MAF: variants seen among roughly 807,000 people sequenced by gnomAD.
MAF encodes the protein transcription factor Maf.
A neutral mutation model predicts 22.0 loss-of-function variants in MAF; 10 were observed. The ratio of observed to expected loss-of-function variants is 0.45; its 90% CI spans 0.28 to 0.77. The LOEUF (loss-of-function observed/expected upper bound fraction) is 0.77. Ranked by LOEUF, MAF falls within the 30% of genes least tolerant of loss-of-function variation. The pLI is 0.12. For missense variants in MAF, 544 were observed against 548.4 expected, an observed-to-expected ratio of 0.99 and a Z score of 0.08; for synonymous variants, 337 against 255.8, an observed-to-expected ratio of 1.32 and a Z score of -3.03.
At chr16:79,391,079 G>A in the MAF span, among the ~76,000 whole-genome samples, 7 of 152,134 alleles carry the variant, frequency 4.6e-5, no homozygotes, top group Admixed American at 1.3e-4. Context: ...GGGCTAACGA[G>A]GTGGAAGCAC....
At chr16:79,212,084 C>T in the MAF span, 12 of 1,536,278 alleles carry the variant, frequency 7.8e-6, no homozygotes, top group African/African-American at 1.4e-5. Context: ...CCGTATCTCC[C>T]TGGAGAAGCA....
the MAF span, among the ~76,000 whole-genome samples, chr16:79,468,651 G>A: frequency 6.6e-6 from 1 of 152,190 alleles, no homozygotes; most frequent in African/African-American, 2.4e-5. Context: ...GGCATTGAGG[G>A]GCAGTCAGAG....
At chr16:79,526,934 A>G in the MAF span, among the ~76,000 whole-genome samples, 31,994 of 152,252 alleles carry the variant, frequency 0.21, 3,867 homozygotes, top group Non-Finnish European at 0.29. Flanking sequence ...ATTTTCAAAT[A>G]GAATTGATTT....
At chr16:79,362,340 C>T in the MAF span, among the ~76,000 whole-genome samples, 2 of 152,248 alleles carry the variant, frequency 1.3e-5, no homozygotes, top group East Asian at 3.9e-4. Flanking sequence ...GTATTGCTCT[C>T]GCTGACACAC....
At chr16:79,244,492 A>T in the MAF span, among the ~76,000 whole-genome samples, 1 of 152,088 alleles carries the variant, frequency 6.6e-6, no homozygotes, top group African/African-American at 2.4e-5. Flanking sequence ...TAAAATACCT[A>T]GGAATACAAC....
chr16:79,557,604 G>C, the MAF span, among the ~76,000 whole-genome samples: 3 of 152,042 alleles, frequency 2.0e-5, no homozygotes, highest in Non-Finnish European at 4.4e-5. Flanking sequence ...CTGCTCAATA[G>C]AGATACTAAT....
chr16:79,289,674 G>A, the MAF span, among the ~76,000 whole-genome samples: 1 of 152,128 alleles, frequency 6.6e-6, no homozygotes, highest in East Asian at 1.9e-4. Context: ...TGGGGCACTT[G>A]TTGACCATTT....
At chr16:79,256,737 T>G in the MAF span, among the ~76,000 whole-genome samples, 1 of 152,202 alleles carries the variant, frequency 6.6e-6, no homozygotes, top group Non-Finnish European at 1.5e-5. Context: ...AACTGTGAGA[T>G]GCATGATGCT....
the MAF span, among the ~76,000 whole-genome samples, chr16:79,290,582 C>G: frequency 2.2e-5 from 3 of 133,802 alleles, no homozygotes; most frequent in Admixed American, 7.2e-5. Flanking sequence ...TTATCTAATC[C>G]AGAGTAAAAC....
the MAF span, among the ~76,000 whole-genome samples, chr16:79,225,984 A>G: frequency 6.6e-6 from 1 of 152,216 alleles, no homozygotes; most frequent in Non-Finnish European, 1.5e-5. Flanking sequence ...TTCCTCAAGG[A>G]TCTAGAACTA....
chr16:79,321,961 G>A, the MAF span, among the ~76,000 whole-genome samples: 1 of 152,152 alleles, frequency 6.6e-6, no homozygotes, highest in Non-Finnish European at 1.5e-5. Context: ...ACCTGGCACG[G>A]TGGCTCACAC....
chr16:79,242,204 G>A, the MAF span, among the ~76,000 whole-genome samples: 1 of 151,862 alleles, frequency 6.6e-6, no homozygotes, highest in Non-Finnish European at 1.5e-5. Flanking sequence ...AACCTTAAAT[G>A]TAAACAGGCT....
the MAF span, among the ~76,000 whole-genome samples, chr16:79,528,358 T>C: frequency 1.3e-5 from 2 of 152,136 alleles, no homozygotes; most frequent in Non-Finnish European, 2.9e-5. Context: ...GCTGGATGCA[T>C]CTAGCTTCTG....
chr16:79,246,285 G>A, the MAF span, among the ~76,000 whole-genome samples: 1 of 152,102 alleles, frequency 6.6e-6, no homozygotes, highest in Non-Finnish European at 1.5e-5. Context: ...ACTTTGGACT[G>A]TCTAAATTTA....
At chr16:79,407,728 G>T in the MAF span, among the ~76,000 whole-genome samples, 3 of 151,850 alleles carry the variant, frequency 2.0e-5, no homozygotes, top group South Asian at 2.1e-4. Flanking sequence ...TTATAAAAAT[G>T]GAACAAGCAC....
At chr16:79,315,378 T>C in the MAF span, among the ~76,000 whole-genome samples, 3 of 152,208 alleles carry the variant, frequency 2.0e-5, no homozygotes, top group Middle Eastern at 3.2e-3. Flanking sequence ...ATTTTACTAA[T>C]GCTAAGAGAA....
the MAF span, among the ~76,000 whole-genome samples, chr16:79,567,067 G>A: frequency 6.6e-6 from 1 of 152,168 alleles, no homozygotes; most frequent in Non-Finnish European, 1.5e-5. Context: ...CGCCTGTAAT[G>A]CCAGCACTTT....
At chr16:79,410,792 G>A in the MAF span, among the ~76,000 whole-genome samples, 35 of 152,200 alleles carry the variant, frequency 2.3e-4, no homozygotes, top group African/African-American at 7.0e-4. Flanking sequence ...TGAAACCATC[G>A]TGTGACCATA....
At chr16:79,596,905 G>T (rs117707161) in intron 1 of MAF, 1 of 1,048,248 alleles carries the variant, frequency 9.5e-7, no homozygotes, top group Non-Finnish European at 1.2e-6. Flanking sequence ...TGTATTATAT[G>T]CTTGCAGGTT....
Sources: gnomAD v4.1 joint callset for allele counts (sites outside exome capture counted in the v4.1 genomes callset) on GRCh38, gnomAD v4.1.1 for gene constraint, MANE v1.5 for transcripts, NCBI Gene and HGNC (gene_info 2026-07-23, HGNC 2026-07-21) for gene names.